CAPZA2: variants seen among roughly 807,000 people sequenced by gnomAD.
The protein encoded by CAPZA2 is capping actin protein of muscle Z-line subunit alpha 2.
A neutral mutation model predicts 44.0 loss-of-function variants in CAPZA2; 13 were observed. The observed-to-expected ratio is 0.30, with a 90% CI of 0.19 to 0.47. CAPZA2 has a LOEUF of 0.47. CAPZA2 is among the 20% of genes least tolerant of loss of function. The probability of loss-of-function intolerance (pLI) is 1.00; values close to 1 mark genes in which losing one functional copy is unlikely to be tolerated. For synonymous variants in CAPZA2, 94 were observed against 108.2 expected, an observed-to-expected ratio of 0.87 and a Z score of 0.81; for missense variants, 244 against 338.6, an observed-to-expected ratio of 0.72 and a Z score of 2.19.
intron 3 of CAPZA2, among the ~76,000 whole-genome samples, chr7:116,898,079 T>C (rs1435840107): frequency 6.6e-6 from 1 of 152,136 alleles, no homozygotes; most frequent in East Asian, 1.9e-4. Context: ...CTTTCTGTGA[T>C]GTTGGACCTA....
At chr7:116,863,074 C>T (rs573298939) in intron 1 of CAPZA2, among the ~76,000 whole-genome samples, 101 of 152,286 alleles carry the variant, frequency 6.6e-4, no homozygotes, top group African/African-American at 2.4e-3. Flanking sequence ...GTGCCCAGCG[C>T]GGCGGCCTGG....
chr7:116,902,785 G>A (rs1238581777), intron 4 of CAPZA2, among the ~76,000 whole-genome samples: 1 of 152,134 alleles, frequency 6.6e-6, no homozygotes, highest in Non-Finnish European at 1.5e-5. Context: ...CACCCAGGCT[G>A]GAGTGCAGTG....
chr7:116,916,571 A>G (rs1791682098), intron 9 of CAPZA2, among the ~76,000 whole-genome samples: 1 of 152,130 alleles, frequency 6.6e-6, no homozygotes, highest in Admixed American at 6.6e-5. Context: ...GGTTGCAGTG[A>G]GCTGAGATCA....
chr7:116,885,114 T>C (rs1017076510), intron 1 of CAPZA2, among the ~76,000 whole-genome samples: 7 of 152,218 alleles, frequency 4.6e-5, no homozygotes, highest in African/African-American at 1.7e-4. Context: ...GTACTTTATA[T>C]ATTCTGAATA....
chr7:116,909,096 G>C (rs1298257950), intron 6 of CAPZA2, among the ~76,000 whole-genome samples: 1 of 152,082 alleles, frequency 6.6e-6, no homozygotes, highest in African/African-American at 2.4e-5. Context: ...TGAGCATCAT[G>C]TCAGTGCTCA....
At chr7:116,896,785 T>C (rs2115941701) in intron 3 of CAPZA2, among the ~76,000 whole-genome samples, 1 of 152,174 alleles carries the variant, frequency 6.6e-6, no homozygotes. Flanking sequence ...TTTGCATAGA[T>C]GGAGGGGTGG....
rs544936391 is a variant in CAPZA2, at chr7:116,893,064, A to G, written c.155+19A>G. ...CAGCCCAGTAAGTATTATTTATCAT[A>G]CTAACCTAACTAAAATGACATGGGA... On this transcript the variant is annotated intron_variant, in intron 3 of 9. Transcript: ENST00000361183. 1.4e-5 allele frequency: 20 copies of G among 1,480,112 alleles called. No homozygotes were observed. In the South Asian group the frequency reaches 2.4e-4, roughly 18 times the overall value. 91.7% of individuals were successfully genotyped at this position (1,480,112 alleles called of 1,614,324 possible).
At chr7:116,883,374 T>TA (rs1373898074) in intron 1 of CAPZA2, among the ~76,000 whole-genome samples, 1 of 152,180 alleles carries the variant, frequency 6.6e-6, no homozygotes, top group Non-Finnish European at 1.5e-5. Context: ...TAGCAGTGGA[T>TA]AAAAAATACC....
chr7:116,914,415 A>C (rs1791648447), intron 8 of CAPZA2, among the ~76,000 whole-genome samples: 1 of 145,834 alleles, frequency 6.9e-6, no homozygotes. Flanking sequence ...GATAAGCTAT[A>C]TTTACATATA....
intron 1 of CAPZA2, chr7:116,875,534 G>A (rs1361077951): frequency 6.9e-6 from 1 of 145,934 alleles, no homozygotes; most frequent in Non-Finnish European, 1.5e-5. Context: ...GCAATAAATT[G>A]GAGGGTTTTT....
intron 3 of CAPZA2, among the ~76,000 whole-genome samples, chr7:116,897,183 T>C (rs1044048734): frequency 6.6e-6 from 1 of 152,162 alleles, no homozygotes; most frequent in African/African-American, 2.4e-5. Flanking sequence ...TATTTAAATA[T>C]GACCTTACTG....
intron 2 of CAPZA2, among the ~76,000 whole-genome samples, chr7:116,889,294 A>G (rs1387793336): frequency 6.6e-6 from 1 of 152,250 alleles, no homozygotes; most frequent in Non-Finnish European, 1.5e-5. Flanking sequence ...TTTCTTCTTC[A>G]TATACATTTG....
At chr7:116,916,253 A>AAAG in intron 9 of CAPZA2, 131 bp downstream of exon 9, 1 of 878,816 alleles carries the variant, frequency 1.1e-6, no homozygotes, top group Non-Finnish European at 1.6e-6. Flanking sequence ...TCTGCTTTTA[A>AAAG]CACAAAGGCA....
At chr7:116,900,909 A>G (rs937646404) in intron 4 of CAPZA2, among the ~76,000 whole-genome samples, 2 of 152,172 alleles carry the variant, frequency 1.3e-5, no homozygotes, top group African/African-American at 4.8e-5. Flanking sequence ...ATATGAGAAA[A>G]AAGATCACCA....
At chr7:116,902,301 A>G (rs559198665) in intron 4 of CAPZA2, among the ~76,000 whole-genome samples, 3 of 152,326 alleles carry the variant, frequency 2.0e-5, no homozygotes, top group Admixed American at 2.0e-4. Flanking sequence ...CCCAGGAAGT[A>G]TAAAAGATGG....
intron 1 of CAPZA2, among the ~76,000 whole-genome samples, chr7:116,880,545 C>T (rs555429446): frequency 6.4e-4 from 97 of 151,628 alleles, no homozygotes; most frequent in African/African-American, 2.1e-3. Flanking sequence ...TTACAGGCAC[C>T]TGCCACCGTG....
chr7:116,887,586 C>T (rs1416472516), intron 1 of CAPZA2, among the ~76,000 whole-genome samples: 2 of 152,158 alleles, frequency 1.3e-5, no homozygotes, highest in Non-Finnish European at 2.9e-5. Flanking sequence ...AATCCCAGCA[C>T]TTTGGGAGAC....
At chr7:116,910,359 G>A (rs1402733805) in intron 7 of CAPZA2, 48 bp downstream of exon 7, 4 of 884,754 alleles carry the variant, frequency 4.5e-6, no homozygotes, top group African/African-American at 1.7e-5. Flanking sequence ...TCTGAACAGA[G>A]AAACAACTAA....
At chr7:116,893,237 T>C (rs1796874475) in intron 3 of CAPZA2, among the ~76,000 whole-genome samples, 192 bp downstream of exon 3, 1 of 152,098 alleles carries the variant, frequency 6.6e-6, no homozygotes, top group Non-Finnish European at 1.5e-5. Context: ...TACAAGCGAT[T>C]CTTCTGCCTC....
Sources: allele counts gnomAD v4.1 joint callset (sites outside exome capture counted in the v4.1 genomes callset), GRCh38; gene constraint gnomAD v4.1.1; transcripts MANE v1.5; gene names NCBI Gene and HGNC (gene_info 2026-07-23, HGNC 2026-07-21).